The following SLIT3 variants were observed in gnomAD, a reference collection of about 807,000 sequenced individuals.
The protein encoded by SLIT3 is slit guidance ligand 3.
A neutral mutation model predicts 184.0 loss-of-function variants in SLIT3; 68 were observed. That is an observed-to-expected ratio of 0.37 (90% confidence interval 0.30 to 0.45). The LOEUF is 0.45. Ranked by LOEUF, SLIT3 falls within the 20% of genes least tolerant of loss-of-function variation. SLIT3 has a pLI of 1.00. For synonymous variants in SLIT3, 831 were observed against 828.6 expected (o/e 1.00, Z -0.05); for missense variants, 1,707 against 2,026.0 (o/e 0.84, Z 3.02).
intron 5 of SLIT3, among the ~76,000 whole-genome samples, chr5:168,857,841 G>C (rs1297555995): frequency 6.6e-6 from 1 of 152,224 alleles, no homozygotes; most frequent in Non-Finnish European, 1.5e-5. Flanking sequence ...AAACCACCGA[G>C]CTTAAAAGCC....
At chr5:169,108,909 T>A (rs1243919444) in intron 4 of SLIT3, among the ~76,000 whole-genome samples, 2 of 152,202 alleles carry the variant, frequency 1.3e-5, no homozygotes, top group African/African-American at 4.8e-5. Context: ...AGTATCCTCA[T>A]CCACATGCTC....
At chr5:168,937,335 C>T (rs763216306) in intron 4 of SLIT3, among the ~76,000 whole-genome samples, 4 of 151,992 alleles carry the variant, frequency 2.6e-5, no homozygotes, top group African/African-American at 4.8e-5. Context: ...AGTGAGGGAT[C>T]GAACATGCAT....
At chr5:169,275,681 C>T (rs539801550) in intron 1 of SLIT3, among the ~76,000 whole-genome samples, 1 of 152,102 alleles carries the variant, frequency 6.6e-6, no homozygotes, top group African/African-American at 2.4e-5. Flanking sequence ...CCTGATAAAC[C>T]CAGATCTCAT....
chr5:168,778,155 A>G (rs1705116492), intron 12 of SLIT3, among the ~76,000 whole-genome samples: 2 of 152,188 alleles, frequency 1.3e-5, no homozygotes, highest in South Asian at 2.1e-4. Flanking sequence ...ATAATAATGC[A>G]GCATCCTCTC....
intron 5 of SLIT3, among the ~76,000 whole-genome samples, chr5:168,857,733 G>A (rs1308566905): frequency 6.6e-6 from 1 of 152,170 alleles, no homozygotes; most frequent in Non-Finnish European, 1.5e-5. Context: ...CAGTTAAGAC[G>A]AGGACTCTCC....
chr5:168,998,980 C>T (rs1246892679), intron 4 of SLIT3, among the ~76,000 whole-genome samples: 6 of 151,674 alleles, frequency 4.0e-5, no homozygotes, highest in Admixed American at 2.6e-4. Context: ...GTGGAGTGAT[C>T]ATGGTTCACT....
intron 32 of SLIT3, among the ~76,000 whole-genome samples, chr5:168,681,339 A>G (rs1761583913): frequency 6.6e-6 from 1 of 152,176 alleles, no homozygotes; most frequent in African/African-American, 2.4e-5. Context: ...TGGCCCAAAC[A>G]TGGGGCCTGG....
intron 20 of SLIT3, among the ~76,000 whole-genome samples, chr5:168,735,595 C>T (rs1005063346): frequency 4.6e-5 from 7 of 151,644 alleles, no homozygotes; most frequent in Non-Finnish European, 1.0e-4. Flanking sequence ...GTTCTCAGAG[C>T]AGTACCCGGC....
chr5:169,238,866 T>G (rs79385596), intron 3 of SLIT3, among the ~76,000 whole-genome samples: 1 of 152,140 alleles, frequency 6.6e-6, no homozygotes, highest in Admixed American at 6.6e-5. Flanking sequence ...GAATTGGATC[T>G]GATAGAACTC....
chr5:168,682,634 A>G (rs1218097461), intron 32 of SLIT3, among the ~76,000 whole-genome samples: 1 of 152,132 alleles, frequency 6.6e-6, no homozygotes, highest in Non-Finnish European at 1.5e-5. Flanking sequence ...GTGTGTGTGG[A>G]GGGGGGATCT....
At chr5:168,757,048 T>C (rs1018685618) in intron 16 of SLIT3, among the ~76,000 whole-genome samples, 2 of 152,146 alleles carry the variant, frequency 1.3e-5, no homozygotes, top group Non-Finnish European at 2.9e-5. Flanking sequence ...TGCTCGCAAC[T>C]ACAGGCAGCA....
intron 4 of SLIT3, among the ~76,000 whole-genome samples, chr5:169,051,526 C>A (rs1757814513): frequency 6.6e-6 from 1 of 152,070 alleles, no homozygotes; most frequent in Non-Finnish European, 1.5e-5. Context: ...GGATAATTAA[C>A]CAAGTCATAA....
At position 169,115,868 on chromosome 5, in the gene SLIT3, G is replaced by C. The variant is rs557854481; in HGVS notation, c.413+77611C>G. Among the ~76,000 whole-genome samples, 5 of 152,292 alleles carry C rather than the reference G, an allele frequency of 3.3e-5. No individual in the cohort carries two copies. The East Asian group carries it at 9.7e-4, about 29-fold the overall frequency. On this transcript the variant is annotated intron_variant, in intron 4 of 35. Transcript: ENST00000519560. ...TGAGCCGGTGCTCCTGACAGCCATG[G>C]AAGGCCACCCCCACTTTGGACAAGG...
At chr5:168,893,486 C>A (rs1760545942) in intron 4 of SLIT3, among the ~76,000 whole-genome samples, 1 of 151,938 alleles carries the variant, frequency 6.6e-6, no homozygotes, top group Non-Finnish European at 1.5e-5. Context: ...AAGGGGAAGG[C>A]AGGGGAAGGC....
intron 23 of SLIT3, among the ~76,000 whole-genome samples, chr5:168,721,433 C>T (rs2113366450): frequency 6.6e-6 from 1 of 152,308 alleles, no homozygotes; most frequent in South Asian, 2.1e-4. Flanking sequence ...TCATTTAATC[C>T]TCATAAGACC....
intron 4 of SLIT3, among the ~76,000 whole-genome samples, chr5:169,169,544 T>A: frequency 6.6e-6 from 1 of 152,190 alleles, no homozygotes; most frequent in East Asian, 1.9e-4. Flanking sequence ...GCCCTTGAGA[T>A]GTCAAACTGG....
intron 4 of SLIT3, among the ~76,000 whole-genome samples, chr5:169,091,395 A>G (rs961839365): frequency 6.6e-6 from 1 of 152,180 alleles, no homozygotes; most frequent in Non-Finnish European, 1.5e-5. Context: ...ATTCCTGACA[A>G]TAAGGGGGAG....
intron 11 of SLIT3, among the ~76,000 whole-genome samples, chr5:168,788,016 A>T (rs1198195038): frequency 6.6e-6 from 1 of 152,122 alleles, no homozygotes; most frequent in African/African-American, 2.4e-5. Flanking sequence ...CAATGCTCAC[A>T]TATATTTCAG....
chr5:168,958,670 T>C (rs1006649186), intron 4 of SLIT3, among the ~76,000 whole-genome samples: 35 of 152,312 alleles, frequency 2.3e-4, no homozygotes, highest in African/African-American at 8.2e-4. Context: ...AGTTCTTTGA[T>C]ATAGATTGGG....
Sources: allele counts gnomAD v4.1 joint callset (sites outside exome capture counted in the v4.1 genomes callset), GRCh38; gene constraint gnomAD v4.1.1; transcripts MANE v1.5; gene names NCBI Gene and HGNC (gene_info 2026-07-23, HGNC 2026-07-21).